VEPH1: variants seen among roughly 807,000 people sequenced by gnomAD.
VEPH1 encodes the protein ventricular zone expressed PH domain containing 1, also known as ventricular zone-expressed PH domain-containing protein homolog 1.
Under a neutral mutation model 85.2 loss-of-function variants are expected in VEPH1, and 80 were observed. That is an observed-to-expected ratio of 0.94 (90% CI 0.78 to 1.13). VEPH1 has a LOEUF of 1.13. Among genes scored for constraint, VEPH1 ranks in the 50% most tolerant of loss-of-function variants. The probability of loss-of-function intolerance (pLI) is 0.00; values close to 1 mark genes in which losing one functional copy is unlikely to be tolerated. For missense variants in VEPH1, 955 were observed against 980.5 expected, an observed-to-expected ratio of 0.97 and a Z score of 0.35; for synonymous variants, 297 against 348.0, an observed-to-expected ratio of 0.85 and a Z score of 1.63.
rs1720174357 is a variant in VEPH1, at chr3:157,312,093, T to C, written c.2010+1528A>G. 2.0e-5 allele frequency among the ~76,000 whole-genome samples: 3 copies of C among 152,224 alleles called. No homozygotes were observed. The South Asian group carries it at 6.2e-4, about 31-fold the overall frequency. On this transcript the variant is annotated intron_variant, in intron 11 of 13. Coordinates refer to ENST00000362010, the MANE Select transcript of VEPH1 (RefSeq NM_001167912.2). The stretch of plus-strand genomic sequence containing the variant: ...TGTTAGTTTCACAAGAGACCAGTTC[T>C]GGAGTACTTAATTTGCTACTCATTT...
At chr3:157,409,016 C>T (rs560065371) in intron 6 of VEPH1, among the ~76,000 whole-genome samples, 15 of 152,198 alleles carry the variant, frequency 9.9e-5, no homozygotes, top group South Asian at 2.1e-4. Context: ...TTCCCTCTCT[C>T]GTTGGCCTCT....
At chr3:157,430,257 C>T (rs536029867) in intron 4 of VEPH1, among the ~76,000 whole-genome samples, 28 of 152,212 alleles carry the variant, frequency 1.8e-4, no homozygotes, top group South Asian at 8.3e-4. Context: ...TAATTACATG[C>T]GTATGTATCA....
chr3:157,366,689 C>T (rs560199105), intron 7 of VEPH1, among the ~76,000 whole-genome samples: 2 of 152,142 alleles, frequency 1.3e-5, no homozygotes, highest in East Asian at 3.9e-4. Flanking sequence ...GAGCAGAGAT[C>T]GCGCCATTGC....
intron 5 of VEPH1, among the ~76,000 whole-genome samples, chr3:157,421,543 T>C (rs1732338682): frequency 6.6e-6 from 1 of 152,248 alleles, no homozygotes; most frequent in African/African-American, 2.4e-5. Context: ...TCTGTATTTC[T>C]GGTTGTCGCC....
At chr3:157,328,321 A>G (rs188610984) in intron 9 of VEPH1, among the ~76,000 whole-genome samples, 204 of 152,262 alleles carry the variant, frequency 1.3e-3, no homozygotes, top group African/African-American at 4.7e-3. Flanking sequence ...CTACTATTGT[A>G]TATGGAAAAA....
chr3:157,310,628 C>T (rs1522393), intron 11 of VEPH1, among the ~76,000 whole-genome samples: 70,900 of 152,084 alleles, frequency 0.47, 18,426 homozygotes, highest in Admixed American at 0.61. Flanking sequence ...TCATACAAAA[C>T]GTGTGGTGGG....
chr3:157,388,281 G>A (rs1729513439), intron 6 of VEPH1, among the ~76,000 whole-genome samples: 1 of 152,110 alleles, frequency 6.6e-6, no homozygotes, highest in Admixed American at 6.5e-5. Flanking sequence ...CTGCCTGGGG[G>A]CGTATTTATT....
At position 157,460,300 on chromosome 3, in the gene VEPH1, A is replaced by C. The variant is rs1245715040; in HGVS notation, c.410T>G (p.Leu137Arg). Residue 137 changes from leucine (L) to arginine (R), a missense_variant, in exon 4 of 14, where the codon CTC becomes CGC. Physicochemically the swap from Leu to Arg is moderately radical, Grantham distance 102. Coordinates refer to ENST00000362010, the MANE Select transcript of VEPH1 (RefSeq NM_001167912.2). The part of the protein sequence containing the change: ...ALAIPIAVKF[L>R]HRGNKELCRN... ...GCACAGTTCCTTGTTGCCTCTGTGG[A>C]GGAATTTCACTGCAATGGGGATGGC... 2 of 1,614,144 alleles carry C rather than the reference A, an allele frequency of 1.2e-6. No individual in the cohort carries two copies. The highest frequency in any genetic ancestry group is 1.7e-6 in the Non-Finnish European group (2 of 1,180,008).
chr3:157,291,050 A>G (rs1410095388), intron 11 of VEPH1, among the ~76,000 whole-genome samples: 1 of 152,208 alleles, frequency 6.6e-6, no homozygotes, highest in Non-Finnish European at 1.5e-5. Flanking sequence ...ATACATCTGG[A>G]AGAACTTTGG....
At position 157,314,329 on chromosome 3, in the gene VEPH1, T is replaced by TA. The variant is rs1720483555; in HGVS notation, c.1876-575_1876-574insT. On this transcript the variant is annotated intron_variant, in intron 10 of 13. Coordinates refer to ENST00000362010, the MANE Select transcript of VEPH1 (RefSeq NM_001167912.2). Reference sequence around the variant, plus strand: ...GCCTGGGTGACAGAGGGAGGATCCGTCAAAAAAAAAAAAAAAAAAAAAAAA... The same window carrying TA: ...GCCTGGGTGACAGAGGGAGGATCCGTACAAAAAAAAAAAAAAAAAAAAAAAA... 4.7e-4 allele frequency among the ~76,000 whole-genome samples: 3 copies of TA among 6,344 alleles called. 1 individual carries two copies. The Admixed American group carries it at 9.6e-3, about 20-fold the overall frequency. The allele number at this position is 6,344 out of a possible 152,430, so 4.2% of individuals were successfully genotyped here.
At chr3:157,405,366 T>C (rs528993819) in intron 6 of VEPH1, among the ~76,000 whole-genome samples, 1 of 152,290 alleles carries the variant, frequency 6.6e-6, no homozygotes, top group African/African-American at 2.4e-5. Context: ...TCGCCAGCTC[T>C]TTAGTTTCTT....
chr3:157,466,028 C>T (rs1358454046), intron 3 of VEPH1, among the ~76,000 whole-genome samples: 1 of 152,194 alleles, frequency 6.6e-6, no homozygotes, highest in Non-Finnish European at 1.5e-5. Flanking sequence ...TGCCAGGCTT[C>T]ATGATGGCTG....
intron 4 of VEPH1, chr3:157,459,576 T>C (rs1443737952): frequency 7.0e-6 from 8 of 1,134,964 alleles, no homozygotes; most frequent in African/African-American, 1.6e-5. Flanking sequence ...AACATGTTTT[T>C]TGATTGATCT....
intron 9 of VEPH1, among the ~76,000 whole-genome samples, chr3:157,347,898 C>T (rs1015885676): frequency 4.6e-5 from 7 of 152,298 alleles, no homozygotes; most frequent in African/African-American, 1.2e-4. Flanking sequence ...ACTCTCCATC[C>T]GCTACCCACC....
rs974199818 is a variant in VEPH1, at chr3:157,346,035, G to A, written c.1735+17329C>T. On this transcript the variant is annotated intron_variant, in intron 9 of 13. Coordinates refer to ENST00000362010, the MANE Select transcript of VEPH1 (RefSeq NM_001167912.2). ...CACACACCCGGGCCTGTCGTGGGGT[G>A]GGGGAGGGGGGAGGGATAGCATTAG... Among the ~76,000 whole-genome samples the A allele has an allele frequency of 2.0e-5, 3 of 151,630 alleles. 1 individual carries two copies. In the South Asian group the frequency reaches 6.3e-4, roughly 32 times the overall value.
chr3:157,272,395 C>CTTTCTT (rs1714786972), intron 12 of VEPH1, among the ~76,000 whole-genome samples: 4 of 132,026 alleles, frequency 3.0e-5, no homozygotes, highest in African/African-American at 1.1e-4. Context: ...TTCTTTCTTT[C>CTTTCTT]TTTCTTTCTT....
intron 9 of VEPH1, among the ~76,000 whole-genome samples, chr3:157,340,538 G>T (rs569849692): frequency 4.6e-5 from 7 of 152,300 alleles, no homozygotes; most frequent in Non-Finnish European, 1.0e-4. Context: ...AGCTCAAACT[G>T]GGTGGAGCCC....
At chr3:157,278,870 A>C (rs1184726622) in intron 12 of VEPH1, among the ~76,000 whole-genome samples, 1 of 152,120 alleles carries the variant, frequency 6.6e-6, no homozygotes, top group Non-Finnish European at 1.5e-5. Context: ...GGAAGCAAAG[A>C]GACAATCATG....
chr3:157,478,519 T>C (rs529158120), intron 2 of VEPH1, among the ~76,000 whole-genome samples: 1 of 152,236 alleles, frequency 6.6e-6, no homozygotes, highest in South Asian at 2.1e-4. Context: ...CAAGCCTCAA[T>C]AAAAGTGGAA....
Sources: gnomAD v4.1 joint callset for allele counts (sites outside exome capture counted in the v4.1 genomes callset) on GRCh38, gnomAD v4.1.1 for gene constraint, MANE v1.5 for transcripts, NCBI Gene and HGNC (gene_info 2026-07-23, HGNC 2026-07-21) for gene names.